LAMC1: variants seen among roughly 807,000 people sequenced by gnomAD.
LAMC1 encodes the protein laminin subunit gamma-1.
Under a neutral mutation model 173.6 loss-of-function variants are expected in LAMC1, and 38 were observed. That is an observed-to-expected ratio of 0.22 (90% CI 0.17 to 0.29). LAMC1 has a LOEUF of 0.29. Among genes scored for constraint, LAMC1 ranks in the 10% least tolerant of loss-of-function variants. LAMC1 has a pLI of 1.00. For synonymous variants in LAMC1, 746 were observed against 749.1 expected, an observed-to-expected ratio of 1.00 and a Z score of 0.07; for missense variants, 1,824 against 2,051.8, an observed-to-expected ratio of 0.89 and a Z score of 2.14.
chr1:183,129,895 C>T (rs1485806390), intron 18 of LAMC1, among the ~76,000 whole-genome samples: 1 of 152,136 alleles, frequency 6.6e-6, no homozygotes, highest in African/African-American at 2.4e-5. Context: ...TTTAATTTGT[C>T]ATACTTCAAC....
At chr1:183,062,581 G>C (rs937020654) in intron 1 of LAMC1, among the ~76,000 whole-genome samples, 1 of 152,146 alleles carries the variant, frequency 6.6e-6, no homozygotes, top group Non-Finnish European at 1.5e-5. Flanking sequence ...GAACCCAGGA[G>C]GTGGAGTGAG....
chr1:183,077,732 A>G (rs1259848293), intron 1 of LAMC1, among the ~76,000 whole-genome samples: 3 of 140,304 alleles, frequency 2.1e-5, no homozygotes, highest in Non-Finnish European at 4.7e-5. Flanking sequence ...AATGCCGTTA[A>G]TTCATTCCTT....
chr1:183,064,231 G>A (rs1654809221), intron 1 of LAMC1, among the ~76,000 whole-genome samples: 1 of 152,308 alleles, frequency 6.6e-6, no homozygotes, highest in East Asian at 1.9e-4. Flanking sequence ...AGTACGTTCT[G>A]AGAAATGCTC....
At chr1:183,062,206 TA>T (rs955382866) in intron 1 of LAMC1, among the ~76,000 whole-genome samples, 54 of 152,368 alleles carry the variant, frequency 3.5e-4, no homozygotes, top group African/African-American at 1.3e-3. Flanking sequence ...TTTGCAAAAT[TA>T]AAAAAGTTCA....
In LAMC1 at chr1:183,138,735, G is replaced by A. The variant is rs545393473; in HGVS notation, c.4473+908G>A. ...GGTTTGGATTGTCCTGATTTTCTCC[G>A]TTATGGTGTGGCTCAAGTAAAAATT... On this transcript the variant is annotated intron_variant, in intron 26 of 27. Coordinates refer to ENST00000258341, the MANE Select transcript of LAMC1 (RefSeq NM_002293.4). Among the ~76,000 whole-genome samples, 7 of 152,198 alleles carry A rather than the reference G, an allele frequency of 4.6e-5. No homozygotes were observed. The East Asian group carries it at 1.2e-3, about 25-fold the overall frequency.
At position 183,144,353 on chromosome 1, in the gene LAMC1, C is replaced by T. The variant is rs1426391633; in HGVS notation, c.*1563C>T. On this transcript the variant is annotated 3_prime_UTR_variant, in exon 28 of 28. Coordinates refer to ENST00000258341, the MANE Select transcript of LAMC1 (RefSeq NM_002293.4). ...GGAATTTATGTAAATATACTTAGTC[C>T]TATTTCTAGAATGACACTCTGTTCA... is the stretch of plus-strand genomic sequence containing the variant. 6.6e-6 allele frequency: 1 copy of T among 152,452 alleles called. No homozygotes were observed. The highest frequency in any genetic ancestry group is 2.4e-5 in the African/African-American group (1 of 41,382). 9.4% of individuals were successfully genotyped at this position (152,452 alleles called of 1,614,324 possible).
intron 2 of LAMC1, among the ~76,000 whole-genome samples, chr1:183,106,830 A>T (rs1185356497): frequency 2.0e-5 from 3 of 152,140 alleles, no homozygotes; most frequent in African/African-American, 7.2e-5. Flanking sequence ...TTTACACCAC[A>T]GCGGAAGTGA....
At chr1:183,073,878 A>G (rs1655066983) in intron 1 of LAMC1, among the ~76,000 whole-genome samples, 1 of 152,196 alleles carries the variant, frequency 6.6e-6, no homozygotes, top group South Asian at 2.1e-4. Context: ...AGAAAAAAGG[A>G]CAAGTTTGAA....
Position 183,023,786 on chromosome 1 carries a change from C to A in LAMC1, c.70C>A (p.Leu24Met). 1.4e-6 allele frequency: 2 copies of A among 1,476,602 alleles called. No homozygotes were observed. Among genetic ancestry groups the A allele is most frequent in the South Asian group, 1.4e-5 (1 of 71,480 alleles). The allele number at this position is 1,476,602 out of a possible 1,614,324, so 91.5% of individuals were successfully genotyped here. A position where few individuals can be genotyped will look rare whatever the true frequency, so the allele number is the denominator to read the frequency against. Residue 24 changes from leucine (L) to methionine (M), a missense_variant, in exon 1 of 28, where the codon CTG becomes ATG. Transcript: ENST00000258341. Reference protein sequence around the residue: ...RGRLWPVLAVLAAAAAAGCAQ... With the variant: ...RGRLWPVLAVMAAAAAAGCAQ... Reference sequence around the variant, plus strand: ...GCGGCTCTGGCCCGTGCTGGCCGTGCTGGCGGCGGCCGCCGCGGCGGGCTG... The same window carrying A: ...GCGGCTCTGGCCCGTGCTGGCCGTGATGGCGGCGGCCGCCGCGGCGGGCTG...
At chr1:183,057,757 CT>C (rs927803030) in intron 1 of LAMC1, among the ~76,000 whole-genome samples, 174 of 149,344 alleles carry the variant, frequency 1.2e-3, no homozygotes, top group African/African-American at 4.0e-3. Flanking sequence ...CTCTGTCATA[CT>C]TTTTTTTTTG....
At chr1:183,138,697 G>A (rs553636918) in intron 26 of LAMC1, 4 of 152,146 alleles carry the variant, frequency 2.6e-5, no homozygotes, top group Admixed American at 2.6e-4. Flanking sequence ...TTACAGGTAG[G>A]GGGGTGGATG....
chr1:183,049,106 G>A (rs1364220994), intron 1 of LAMC1, among the ~76,000 whole-genome samples: 2 of 152,132 alleles, frequency 1.3e-5, no homozygotes, highest in African/African-American at 2.4e-5. Context: ...TCTTATAGAA[G>A]AAACTAAATT....
Position 183,115,711 on chromosome 1 carries a change from C to T in LAMC1, c.1328+74C>T, listed in dbSNP as rs1362267259. The T allele has an allele frequency of 5.0e-6, 5 of 991,404 alleles. No homozygotes were observed. The African/African-American group carries it at 8.0e-5, about 16-fold the overall frequency. 61.4% of individuals were successfully genotyped at this position (991,404 alleles called of 1,614,324 possible). A position where few individuals can be genotyped will look rare whatever the true frequency, so the allele number is the denominator to read the frequency against. On this transcript the variant is annotated intron_variant, in intron 6 of 27. Coordinates refer to ENST00000258341, the MANE Select transcript of LAMC1 (RefSeq NM_002293.4). ...CAACACATATTAATAGATCTTATGG[C>T]TTATTGGCAGCAGGGTAAACATTTT...
chr1:183,027,565 G>A (rs1653722054), intron 1 of LAMC1, among the ~76,000 whole-genome samples: 1 of 152,250 alleles, frequency 6.6e-6, no homozygotes, highest in African/African-American at 2.4e-5. Flanking sequence ...ATTAGATTAA[G>A]GAAAAGAGTG....
chr1:183,050,493 A>G (rs1654391806), intron 1 of LAMC1, among the ~76,000 whole-genome samples: 1 of 146,404 alleles, frequency 6.8e-6, no homozygotes, highest in African/African-American at 2.5e-5. Context: ...CACGTTAGCC[A>G]GGATGGTCTC....
chr1:183,111,180 G>A (rs1316603979), intron 4 of LAMC1, among the ~76,000 whole-genome samples: 1 of 150,976 alleles, frequency 6.6e-6, no homozygotes, highest in African/African-American at 2.4e-5. Flanking sequence ...TCCACCTCCT[G>A]GGTTCAAGTG....
chr1:183,100,492 A>C (rs953392848), intron 1 of LAMC1, among the ~76,000 whole-genome samples: 2 of 151,400 alleles, frequency 1.3e-5, no homozygotes, highest in African/African-American at 4.9e-5. Flanking sequence ...TATGGTGATC[A>C]CTCCTCTGTG....
chr1:183,121,807 GTCCTGT>G lies in LAMC1; in HGVS notation c.2076_2081del (p.Cys692_Val694delinsTrp). On this transcript the variant is annotated inframe_deletion, in exon 12 of 28. Transcript: ENST00000258341. ...GCAACTTGGGTGGAGTCCTGCACCT[GTCCTGT>G]GGGATATGGAGGGCAGTTTTGTGAG... 3 of 1,614,182 alleles carry G rather than the reference GTCCTGT, an allele frequency of 1.9e-6. No individual in the cohort carries two copies. Among genetic ancestry groups the G allele is most frequent in the Non-Finnish European group, 2.5e-6 (3 of 1,180,036 alleles).
At chr1:183,091,548 C>T (rs764522269) in intron 1 of LAMC1, among the ~76,000 whole-genome samples, 43 of 152,070 alleles carry the variant, frequency 2.8e-4, no homozygotes, top group Admixed American at 5.2e-4. Context: ...TCTGGCACTT[C>T]GTACTTAAGC....
Sources: allele counts gnomAD v4.1 joint callset (sites outside exome capture counted in the v4.1 genomes callset), GRCh38; gene constraint gnomAD v4.1.1; transcripts MANE v1.5; gene names NCBI Gene and HGNC (gene_info 2026-07-23, HGNC 2026-07-21).